The following ADAMTS13 variants were observed in gnomAD, a reference collection of about 807,000 sequenced individuals.
The protein encoded by ADAMTS13 is ADAM metallopeptidase with thrombospondin type 1 motif 13, also known as A disintegrin and metalloproteinase with thrombospondin motifs 13.
In ADAMTS13, 110 loss-of-function variants were observed where a neutral mutation model predicts 155.1. The observed-to-expected ratio is 0.71, with a 90% CI of 0.61 to 0.83. The LOEUF (loss-of-function observed/expected upper bound fraction) is 0.83. Ranked by LOEUF, ADAMTS13 falls within the 40% of genes least tolerant of loss-of-function variation. ADAMTS13 has a pLI of 0.00. For synonymous variants in ADAMTS13, 758 were observed against 756.4 expected, an observed-to-expected ratio of 1.00 and a Z score of -0.03; for missense variants, 1,707 against 1,891.7, an observed-to-expected ratio of 0.90 and a Z score of 1.81.
At chr9:133,432,788 A>G in intron 9 of ADAMTS13, 96 bp downstream of exon 9, 8 of 1,204,034 alleles carry the variant, frequency 6.6e-6, no homozygotes, top group Non-Finnish European at 9.5e-6. Flanking sequence ...AGGCAGGACC[A>G]GTATGGGGCA....
At chr9:133,419,919 T>TG (rs1420686505), upstream of ADAMTS13, among the ~76,000 whole-genome samples, 2 of 151,282 alleles carry the variant, frequency 1.3e-5, no homozygotes, top group African/African-American at 2.4e-5. Context: ...TTTTTTTTTT[T>TG]TTGAGACGAA....
chr9:133,421,355 C>T (rs1588147841), upstream of ADAMTS13, among the ~76,000 whole-genome samples: 1 of 152,170 alleles, frequency 6.6e-6, no homozygotes, highest in Non-Finnish European at 1.5e-5. Context: ...CTAAGCATGC[C>T]CCCTTCTCCA....
Position 133,456,910 on chromosome 9 carries a change from C to T in ADAMTS13, c.3724+191C>T, listed in dbSNP as rs1554796244. 1.3e-6 allele frequency: 1 copy of T among 742,774 alleles called. No homozygotes were observed. Among genetic ancestry groups the T allele is most frequent in the Non-Finnish European group, 2.4e-6 (1 of 423,614 alleles). The allele number at this position is 742,774 out of a possible 1,614,324, so 46.0% of individuals were successfully genotyped here. On this transcript the variant is annotated intron_variant, in intron 27 of 28. Transcript: ENST00000355699. The surrounding 1 kb of genome is among the most constrained non-coding windows in gnomAD (Gnocchi z 4.4). ...CCAGGGAGGGGTCACAGGATGAATG[C>T]TATATCCCTCCTTTTTGGGACCGTG...
At position 133,425,558 on chromosome 9, in the gene ADAMTS13, G is replaced by C; in HGVS notation, c.360G>C (p.Leu120=). The change falls in exon 4 of 29, where the codon CTG becomes CTC. Residue 120 remains leucine, a synonymous_variant. Transcript: ENST00000355699. This position sits in a 1 kb window ranked among gnomAD's most constrained non-coding sequence, Gnocchi z 4.6. ...IGAELLRDPS[L]GAQFRVHLVK... Reference sequence around the variant, plus strand: ...CAGAACTGCTTCGGGACCCGTCCCTGGGGGCTCAGTTTCGGGTGCACCTGG... The same window carrying C: ...CAGAACTGCTTCGGGACCCGTCCCTCGGGGCTCAGTTTCGGGTGCACCTGG... 1 of 1,613,528 alleles carries C rather than the reference G, an allele frequency of 6.2e-7. No homozygotes were observed. The highest frequency in any genetic ancestry group is 1.3e-5 in the African/African-American group (1 of 75,030).
In ADAMTS13 at chr9:133,445,396, C is replaced by T. The variant is rs965044029; in HGVS notation, c.2611-303C>T. On this transcript the variant is annotated intron_variant, in intron 20 of 28. Coordinates refer to ENST00000355699, the MANE Select transcript of ADAMTS13 (RefSeq NM_139027.6). This position sits in a 1 kb window ranked among gnomAD's most constrained non-coding sequence, Gnocchi z 5.0. Reference sequence around the variant, plus strand: ...TGGCCTGGGTGCTGGCAACCCTCGCCCCTCATGGCTGGGGGGATTGCAGGG... The same window carrying T: ...TGGCCTGGGTGCTGGCAACCCTCGCTCCTCATGGCTGGGGGGATTGCAGGG... Among the ~76,000 whole-genome samples the T allele has an allele frequency of 2.6e-5, 4 of 152,184 alleles. No individual in the cohort carries two copies. The highest frequency in any genetic ancestry group is 4.4e-5 in the Non-Finnish European group (3 of 68,012).
At chr9:133,430,599 C>T (rs587749083) in intron 8 of ADAMTS13, among the ~76,000 whole-genome samples, 1 of 152,222 alleles carries the variant, frequency 6.6e-6, no homozygotes, top group South Asian at 2.1e-4. Context: ...TGATGGGCCC[C>T]TTCCTCCACA....
chr9:133,456,180 T>A lies in ADAMTS13; in HGVS notation c.3512T>A (p.Leu1171His). Residue 1171 changes from leucine to histidine, a missense_variant, in exon 26 of 29, where the codon CTC (leucine) becomes CAC (histidine). By Grantham distance (99) the Leu-to-His change is moderately conservative. Coordinates refer to ENST00000355699, the MANE Select transcript of ADAMTS13 (RefSeq NM_139027.6). This position sits in a 1 kb window ranked among gnomAD's most constrained non-coding sequence, Gnocchi z 4.4. ...CGGCCCCTCGGGGAGGTGGTGACCC[T>A]CCGCGTCCTTGAGAGTTCTCTCAAC... Reference protein sequence around the residue: ...IGRPLGEVVTLRVLESSLNCS... With the variant: ...IGRPLGEVVTHRVLESSLNCS... The A allele has an allele frequency of 6.2e-7, 1 of 1,613,538 alleles. No individual in the cohort carries two copies.
intron 22 of ADAMTS13, among the ~76,000 whole-genome samples, chr9:133,449,234 G>A (rs1554793527): frequency 1.3e-5 from 2 of 152,118 alleles, no homozygotes; most frequent in Non-Finnish European, 2.9e-5. Flanking sequence ...TTTCTTCATC[G>A]CCTGCTCTTT....
At chr9:133,447,887 C>G (rs1378564791) in intron 21 of ADAMTS13, among the ~76,000 whole-genome samples, 1 of 152,156 alleles carries the variant, frequency 6.6e-6, no homozygotes, top group African/African-American at 2.4e-5. Context: ...AGCCACTGAG[C>G]CTATTTCTTT....
Position 133,439,405 on chromosome 9 carries a change from G to A in ADAMTS13, c.1745G>A (p.Ser582Asn), listed in dbSNP as rs1841494036. ...CTGACAGTTACCCCCAACCTGACCA[G>A]TGTCTACATTGCCAACCACAGGCCT... ...TFLTVTPNLTSVYIANHRPLF... is the reference protein window; with the variant it reads ...TFLTVTPNLTNVYIANHRPLF... Residue 582 changes from serine to asparagine, a missense_variant, in exon 15 of 29, where the codon AGT becomes AAT. By Grantham distance (46) the Ser-to-Asn change is conservative. This residue lies in a region of ADAMTS13 where 961 missense variants were observed against 1,107.9 expected (regional missense o/e 0.87). Transcript: ENST00000355699. The A allele has an allele frequency of 1.9e-6, 3 of 1,614,110 alleles. No individual in the cohort carries two copies. The highest frequency in any genetic ancestry group is 2.5e-6 in the Non-Finnish European group (3 of 1,179,946).
chr9:133,436,255 G>A (rs994879470), intron 11 of ADAMTS13, among the ~76,000 whole-genome samples: 7 of 152,016 alleles, frequency 4.6e-5, no homozygotes, highest in African/African-American at 1.7e-4. Context: ...AGTTCTGCAT[G>A]TGGTGAGACC....
At position 133,440,037 on chromosome 9, in the gene ADAMTS13, G is replaced by T. The variant is rs587644348; in HGVS notation, c.1787-307G>T. ...GGGCAAGGCCCGCTTCTTTGCTATT[G>T]AGGGCCACAGTGGGTCTTTCTGGAG... On this transcript the variant is annotated intron_variant, in intron 15 of 28. Coordinates refer to ENST00000355699, the MANE Select transcript of ADAMTS13 (RefSeq NM_139027.6). This position sits in a 1 kb window ranked among gnomAD's most constrained non-coding sequence, Gnocchi z 4.3. Among the ~76,000 whole-genome samples the T allele has an allele frequency of 3.9e-5, 6 of 152,264 alleles. No homozygotes were observed. The highest frequency in any genetic ancestry group is 7.3e-5 in the Non-Finnish European group (5 of 68,054).
chr9:133,420,334 C>A (rs587695768), upstream of ADAMTS13, among the ~76,000 whole-genome samples: 1 of 152,188 alleles, frequency 6.6e-6, no homozygotes, highest in Admixed American at 6.5e-5. Flanking sequence ...GGATTAAAGG[C>A]GTGAGCCACC....
Position 133,425,533 on chromosome 9 carries a change from C to T in ADAMTS13, c.335C>T (p.Ala112Val). 4 of 1,613,104 alleles carry T rather than the reference C, an allele frequency of 2.5e-6. No homozygotes were observed. The highest frequency in any genetic ancestry group is 3.4e-6 in the Non-Finnish European group (4 of 1,179,832). The change falls in exon 4 of 29, where the codon GCA becomes GTA. Residue 112 changes from alanine (A) to valine (V), a missense_variant. Transcript: ENST00000355699. The surrounding 1 kb of genome is among the most constrained non-coding windows in gnomAD (Gnocchi z 4.6). ...CTCTCATCTGCCCTTGCACAGGGGG[C>T]AGAACTGCTTCGGGACCCGTCCCTG... is the stretch of plus-strand genomic sequence containing the variant. ...RYVLTNLNIG[A>V]ELLRDPSLGA...
intron 8 of ADAMTS13, 44 bp downstream of exon 8, chr9:133,430,145 C>T (rs781828222): frequency 6.5e-7 from 1 of 1,549,206 alleles, no homozygotes; most frequent in South Asian, 1.2e-5. Flanking sequence ...TGAGGTCCCT[C>T]CGCATCACCC....
At chr9:133,416,792 A>C (rs1554781669) in intron 1 of ADAMTS13, among the ~76,000 whole-genome samples, 1 of 152,212 alleles carries the variant, frequency 6.6e-6, no homozygotes. Context: ...TCATCTGTAC[A>C]ATAGCGATGA....
upstream of ADAMTS13, among the ~76,000 whole-genome samples, chr9:133,420,052 G>A (rs1475079016): frequency 3.9e-5 from 6 of 152,142 alleles, no homozygotes; most frequent in Admixed American, 3.3e-4. Context: ...TTACAGGCAT[G>A]TGCCACCACG....
At chr9:133,454,002 A>C (rs1842596900) in intron 23 of ADAMTS13, among the ~76,000 whole-genome samples, 2 of 152,118 alleles carry the variant, frequency 1.3e-5, no homozygotes, top group African/African-American at 4.8e-5. Context: ...ATTACAGATC[A>C]ACATGGGCAG....
intron 22 of ADAMTS13, among the ~76,000 whole-genome samples, chr9:133,449,099 A>C (rs1209279272): frequency 6.6e-6 from 1 of 152,160 alleles, no homozygotes; most frequent in Non-Finnish European, 1.5e-5. Flanking sequence ...AGTTTAATGA[A>C]AGGATTAGAT....
Sources: gnomAD v4.1 joint callset for allele counts (sites outside exome capture counted in the v4.1 genomes callset) on GRCh38, gnomAD v4.1.1 for gene constraint, gnomAD v4.1.1 regional missense constraint, Gnocchi (gnomAD v3.1) non-coding constraint, MANE v1.5 for transcripts, NCBI Gene and HGNC (gene_info 2026-07-23, HGNC 2026-07-21) for gene names.